DMD: variants seen among roughly 807,000 people sequenced by gnomAD.
DMD encodes the protein mutant dystrophin.
In DMD, 63 loss-of-function variants were observed where a neutral mutation model predicts 330.1. The ratio of observed to expected loss-of-function variants is 0.19; its 90% CI spans 0.16 to 0.24. The LOEUF is 0.24. DMD is among the 10% of genes least tolerant of loss of function. The pLI is 1.00. For synonymous variants in DMD, 1,223 were observed against 959.8 expected, an observed-to-expected ratio of 1.27 and a Z score of -5.07; for missense variants, 3,344 against 2,684.1, an observed-to-expected ratio of 1.25 and a Z score of -5.43.
At chrX:33,205,582 G>A (rs1390318499) in intron 1 of DMD, among the ~76,000 whole-genome samples, 1 of 112,026 alleles carries the variant, frequency 8.9e-6, no homozygotes, top group Non-Finnish European at 1.9e-5. Context: ...AGCTACTGAT[G>A]TTTATGCCCT....
intron 55 of DMD, among the ~76,000 whole-genome samples, chrX:31,511,026 T>C (rs1489569257): frequency 9.0e-6 from 1 of 111,209 alleles, no homozygotes; most frequent in Non-Finnish European, 1.9e-5. Flanking sequence ...ACATAGTTCA[T>C]CCATGTTCCT....
intron 77 of DMD, among the ~76,000 whole-genome samples, chrX:31,131,467 T>G (rs2034485767): frequency 8.9e-6 from 1 of 111,755 alleles, no homozygotes. Context: ...CATGTACAAT[T>G]TATTTTATAT....
intron 44 of DMD, among the ~76,000 whole-genome samples, chrX:32,161,104 C>T (rs893099954): frequency 2.4e-4 from 27 of 111,593 alleles, no homozygotes; most frequent in Non-Finnish European, 2.8e-4. Flanking sequence ...TAGTGAAGGA[C>T]AGCGGGCAAT....
intron 47 of DMD, among the ~76,000 whole-genome samples, chrX:31,888,776 A>G (rs959564728): frequency 8.9e-6 from 1 of 112,224 alleles, no homozygotes; most frequent in Admixed American, 9.5e-5. Context: ...CATTGTGGTT[A>G]TATGCCACCA....
intron 2 of DMD, among the ~76,000 whole-genome samples, chrX:32,921,426 T>G (rs1294167581): frequency 8.9e-6 from 1 of 112,112 alleles, no homozygotes; most frequent in Non-Finnish European, 1.9e-5. Flanking sequence ...GTTTCATAGT[T>G]TTTCACCAAT....
chrX:32,625,518 C>G (rs916899575), intron 11 of DMD, among the ~76,000 whole-genome samples: 1 of 111,901 alleles, frequency 8.9e-6, no homozygotes, highest in Non-Finnish European at 1.9e-5. Flanking sequence ...CCTCCAATGT[C>G]TATGAGGAAT....
At chrX:32,329,780 T>C (rs927909942) in intron 41 of DMD, among the ~76,000 whole-genome samples, 1 of 112,558 alleles carries the variant, frequency 8.9e-6, no homozygotes, top group Admixed American at 9.4e-5. Context: ...TGGAAAATTA[T>C]GGACCTTCTG....
intron 60 of DMD, among the ~76,000 whole-genome samples, chrX:31,396,459 G>A (rs987338174): frequency 4.6e-5 from 5 of 108,647 alleles, no homozygotes; most frequent in African/African-American, 1.7e-4. Context: ...TTATATGTGT[G>A]TACATAAATA....
intron 17 of DMD, 143 bp downstream of exon 17, chrX:32,545,016 A>C: frequency 1.8e-6 from 1 of 544,940 alleles, no homozygotes; most frequent in Non-Finnish European, 3.0e-6. Context: ...AATGTACTTC[A>C]TAATTTTTCT....
At chrX:31,525,810 T>A (rs1419959772) in intron 55 of DMD, among the ~76,000 whole-genome samples, 1 of 112,728 alleles carries the variant, frequency 8.9e-6, no homozygotes, top group Non-Finnish European at 1.9e-5. Flanking sequence ...AAAAAGTTAA[T>A]GGAAAGTTTG....
chrX:31,881,877 T>C (rs148662153), intron 47 of DMD, among the ~76,000 whole-genome samples: 1 of 112,341 alleles, frequency 8.9e-6, no homozygotes, highest in East Asian at 2.8e-4. Context: ...TGACTATATA[T>C]GTTGCTAGTA....
At chrX:33,013,866 CGT>C (rs1396724118) in intron 2 of DMD, among the ~76,000 whole-genome samples, 1 of 110,976 alleles carries the variant, frequency 9.0e-6, no homozygotes, top group Non-Finnish European at 1.9e-5. Flanking sequence ...TTTGTGTGTA[CGT>C]GTTGAGGACA....
Position 31,147,322 on chromosome X carries a change from T to A in DMD, c.10750A>T (p.Lys3584Ter), listed in dbSNP as rs1277280454. ...ARMQILEDHN[K>*]QLESQLHRLR... is the part of the protein sequence containing the mutation. ...CTGTGTAACTGTGACTCCAGCTGTT[T>A]ATTGTGGTCTTCCAGGATTTGCATC... Residue 3584 changes from lysine to a stop codon, truncating the protein, a stop_gained, in exon 75 of 79, where the codon AAA (lysine) becomes TAA (stop). Transcript: ENST00000357033. LOFTEE classifies it high-confidence loss of function. The A allele has an allele frequency of 8.3e-7, 1 of 1,208,140 alleles. No homozygotes were observed. The highest frequency in any genetic ancestry group is 2.2e-5 in the Admixed American group (1 of 45,561).
intron 18 of DMD, among the ~76,000 whole-genome samples, chrX:32,506,971 T>C (rs1467581242): frequency 8.9e-6 from 1 of 111,883 alleles, no homozygotes; most frequent in African/African-American, 3.2e-5. Context: ...CTTATTAGTT[T>C]TTGTGATCTA....
At chrX:31,654,926 T>A (rs186891912) in intron 54 of DMD, among the ~76,000 whole-genome samples, 1 of 109,820 alleles carries the variant, frequency 9.1e-6, no homozygotes, top group Non-Finnish European at 1.9e-5. Context: ...AAAATAAAAA[T>A]AAAAATAAAA....
At chrX:31,242,325 C>T (rs1475281779) in intron 63 of DMD, among the ~76,000 whole-genome samples, 1 of 97,987 alleles carries the variant, frequency 1.0e-5, no homozygotes, top group Admixed American at 1.1e-4. Context: ...AATGTCTTCA[C>T]TGACTCGCAA....
At chrX:32,874,811 A>C (rs1459712143) in intron 2 of DMD, among the ~76,000 whole-genome samples, 1 of 111,532 alleles carries the variant, frequency 9.0e-6, no homozygotes, top group Non-Finnish European at 1.9e-5. Context: ...AAAACTGACT[A>C]CCCTGAAACC....
intron 7 of DMD, among the ~76,000 whole-genome samples, chrX:32,763,833 C>G (rs2072632064): frequency 9.0e-6 from 1 of 111,287 alleles, no homozygotes; most frequent in African/African-American, 3.3e-5. Context: ...GCCTCATTTA[C>G]TATTACTGAA....
At chrX:32,652,525 C>G (rs2060237857) in intron 9 of DMD, among the ~76,000 whole-genome samples, 1 of 110,514 alleles carries the variant, frequency 9.0e-6, no homozygotes, top group Admixed American at 9.6e-5. Context: ...TTTTCTTAAT[C>G]CAGTCTATCA....
Sources: allele counts gnomAD v4.1 joint callset (sites outside exome capture counted in the v4.1 genomes callset), GRCh38; gene constraint gnomAD v4.1.1; transcripts MANE v1.5; gene names NCBI Gene and HGNC (gene_info 2026-07-23, HGNC 2026-07-21).